Variants in NFIB observed in about 807,000 individuals in gnomAD.
The protein encoded by NFIB is nuclear factor I B.
A neutral mutation model predicts 61.5 loss-of-function variants in NFIB; 11 were observed. That is an observed-to-expected ratio of 0.18 (90% confidence interval 0.11 to 0.30). NFIB has a LOEUF of 0.30. Ranked by LOEUF, NFIB falls within the 10% of genes least tolerant of loss-of-function variation. NFIB has a pLI of 1.00. For missense variants in NFIB, 471 were observed against 608.9 expected (o/e 0.77, Z 2.38); for synonymous variants, 260 against 216.5 (o/e 1.20, Z -1.76).
At chr9:14,132,984 A>G (rs1382944886) in intron 6 of NFIB, among the ~76,000 whole-genome samples, 2 of 152,150 alleles carry the variant, frequency 1.3e-5, no homozygotes, top group Non-Finnish European at 2.9e-5. Flanking sequence ...ACCCTCTGGT[A>G]TGATACTGAC....
the NFIB span, among the ~76,000 whole-genome samples, chr9:14,480,744 G>A: frequency 2.6e-5 from 4 of 152,100 alleles, no homozygotes; most frequent in African/African-American, 9.7e-5. Flanking sequence ...CACCATGGAG[G>A]AACAGTTTAA....
the NFIB span, among the ~76,000 whole-genome samples, chr9:14,490,173 A>C: frequency 4.6e-5 from 7 of 152,186 alleles, no homozygotes; most frequent in Non-Finnish European, 1.0e-4. Flanking sequence ...TTGATGTGTT[A>C]CCAAAATTTA....
chr9:14,285,761 T>A (rs969971040), intron 2 of NFIB, among the ~76,000 whole-genome samples: 7 of 152,178 alleles, frequency 4.6e-5, no homozygotes, highest in African/African-American at 1.7e-4. Flanking sequence ...GTTAGCTAAA[T>A]GGCAATGGTC....
rs188524461 is a variant in NFIB at position 14,354,132 on chromosome 9, C to G, written c.108+44392G>C. On this transcript the variant is annotated intron_variant, in intron 1 of 8. Coordinates refer to the NFIB transcript ENST00000380934. ...ACACCGCACCCTATTTTCTCAGAGC[C>G]TTGCAAATTTGACATTATTTTTTCA... Among the ~76,000 whole-genome samples, 5 of 152,252 alleles carry G rather than the reference C, an allele frequency of 3.3e-5. No homozygotes were observed. The East Asian group carries it at 9.7e-4, about 29-fold the overall frequency.
chr9:14,284,112 T>G (rs1016400407), intron 2 of NFIB, among the ~76,000 whole-genome samples: 3 of 152,300 alleles, frequency 2.0e-5, no homozygotes, highest in African/African-American at 7.2e-5. Context: ...AGCTTTCGGA[T>G]TGGAGAGTTA....
At chr9:14,444,538 G>C in the NFIB span, among the ~76,000 whole-genome samples, 304 of 152,234 alleles carry the variant, frequency 2.0e-3, 1 homozygote, top group Non-Finnish European at 3.4e-3. Context: ...CCCTGAAGGT[G>C]TTACTTATAC....
intron 1 of NFIB, among the ~76,000 whole-genome samples, chr9:14,347,962 C>T (rs1039043874): frequency 6.6e-6 from 1 of 152,180 alleles, no homozygotes; most frequent in African/African-American, 2.4e-5. Context: ...TCTCCGCGCA[C>T]CACGTGCGCT....
intron 2 of NFIB, among the ~76,000 whole-genome samples, chr9:14,291,305 T>C (rs1305488375): frequency 6.6e-6 from 1 of 151,984 alleles, no homozygotes; most frequent in Non-Finnish European, 1.5e-5. Flanking sequence ...GCCAACACGA[T>C]GAAATCCAGT....
the NFIB span, among the ~76,000 whole-genome samples, chr9:14,453,806 G>C: frequency 6.6e-6 from 1 of 152,096 alleles, no homozygotes; most frequent in African/African-American, 2.4e-5. Context: ...ATATAGGCTG[G>C]GCACGGTGGC....
chr9:14,448,307 T>A, the NFIB span, among the ~76,000 whole-genome samples: 1 of 152,250 alleles, frequency 6.6e-6, no homozygotes, highest in Non-Finnish European at 1.5e-5. Context: ...TTTTTCATTC[T>A]TCATTAAGTT....
chr9:14,111,750 T>A (rs2119013500), intron 10 of NFIB, among the ~76,000 whole-genome samples: 1 of 152,324 alleles, frequency 6.6e-6, no homozygotes, highest in East Asian at 1.9e-4. Context: ...TATTTGGTAT[T>A]TTCATAACTG....
chr9:14,130,817 C>T (rs927208686), intron 6 of NFIB, among the ~76,000 whole-genome samples: 1 of 152,070 alleles, frequency 6.6e-6, no homozygotes, highest in Non-Finnish European at 1.5e-5. Context: ...AGAAAAATAA[C>T]CATAGCCAGT....
the NFIB span, among the ~76,000 whole-genome samples, chr9:14,440,593 A>G: frequency 6.6e-6 from 1 of 152,202 alleles, no homozygotes; most frequent in African/African-American, 2.4e-5. Flanking sequence ...ACTGATCAGA[A>G]AGAGACTGCT....
intron 2 of NFIB, among the ~76,000 whole-genome samples, chr9:14,190,853 G>T (rs933133896): frequency 6.6e-6 from 1 of 152,104 alleles, no homozygotes; most frequent in East Asian, 1.9e-4. Context: ...GCATTTTATG[G>T]GGCAATATTC....
At chr9:14,126,802 CAG>C (rs2039712574) in intron 6 of NFIB, among the ~76,000 whole-genome samples, 1 of 152,180 alleles carries the variant, frequency 6.6e-6, no homozygotes. Flanking sequence ...CTGGCCAAAA[CAG>C]AGACAGAAAT....
chr9:14,252,789 T>C (rs1210244577), intron 2 of NFIB, among the ~76,000 whole-genome samples: 1 of 140,010 alleles, frequency 7.1e-6, no homozygotes, highest in Non-Finnish European at 1.5e-5. Flanking sequence ...TACAACTTTG[T>C]GGAGGAAAAA....
At chr9:14,396,626 T>C (rs1023233243) in intron 1 of NFIB, among the ~76,000 whole-genome samples, 1 of 152,222 alleles carries the variant, frequency 6.6e-6, no homozygotes, top group Non-Finnish European at 1.5e-5. Flanking sequence ...AAATTCAGCA[T>C]GTCACAGGAG....
Position 14,120,464 on chromosome 9 carries a change from G to A in NFIB, c.1221C>T (p.Asp407=). The A allele has an allele frequency of 6.2e-7, 1 of 1,614,052 alleles. No homozygotes were observed. Among genetic ancestry groups the A allele is most frequent in the East Asian group, 2.2e-5 (1 of 44,860 alleles). ...CCTGGCTGGTTTGTGGACTGGATGG[G>A]TCATAAGAAGGTACATAGTTCTTCA... ...DTLKNYVPSY[D]PSSPQTSQPN... Residue 407 remains aspartate (D), a synonymous_variant, in exon 8 of 11, where the codon GAC becomes GAT. Coordinates refer to ENST00000380953, the MANE Select transcript of NFIB (RefSeq NM_001190737.2). This position sits in a 1 kb window ranked among gnomAD's most constrained non-coding sequence, Gnocchi z 4.4.
At chr9:14,208,834 C>A (rs117091381) in intron 2 of NFIB, among the ~76,000 whole-genome samples, 2 of 152,140 alleles carry the variant, frequency 1.3e-5, no homozygotes, top group Admixed American at 6.5e-5. Flanking sequence ...GTATTAAATT[C>A]ATCTAGACCC....
Sources: allele counts gnomAD v4.1 joint callset (sites outside exome capture counted in the v4.1 genomes callset), GRCh38; gene constraint gnomAD v4.1.1; non-coding constraint Gnocchi (gnomAD v3.1); transcripts MANE v1.5; gene names NCBI Gene and HGNC (gene_info 2026-07-23, HGNC 2026-07-21).